The following DENND5B variants were observed in gnomAD, a reference collection of about 807,000 sequenced individuals.
DENND5B encodes DENN domain-containing protein 5B.
DENND5B carries 34 observed loss-of-function variants against 140.6 expected under a neutral mutation model. The ratio of observed to expected loss-of-function variants is 0.24; its 90% CI spans 0.18 to 0.32. The LOEUF is 0.32. Among genes scored for constraint, DENND5B ranks in the 10% least tolerant of loss-of-function variants. DENND5B has a pLI of 1.00. For synonymous variants in DENND5B, 551 were observed against 562.1 expected (o/e 0.98, Z 0.28); for missense variants, 1,142 against 1,560.2 (o/e 0.73, Z 4.52).
chr12:31,508,236 T>C (rs1947276491), intron 1 of DENND5B, among the ~76,000 whole-genome samples: 2 of 152,134 alleles, frequency 1.3e-5, no homozygotes, highest in Admixed American at 1.3e-4. Flanking sequence ...AGAGGTAAAG[T>C]AGACCTTTCC....
At chr12:31,493,043 G>A (rs949787855) in intron 2 of DENND5B, among the ~76,000 whole-genome samples, 3 of 152,176 alleles carry the variant, frequency 2.0e-5, no homozygotes, top group Non-Finnish European at 4.4e-5. Context: ...GCGAGCCCAG[G>A]CTGGAAAGAG....
At chr12:31,580,092 T>C (rs1031348644) in intron 1 of DENND5B, among the ~76,000 whole-genome samples, 1 of 152,156 alleles carries the variant, frequency 6.6e-6, no homozygotes, top group Non-Finnish European at 1.5e-5. Context: ...TTTCCTAAGA[T>C]ATTCCTTTAA....
At position 31,397,549 on chromosome 12, in the gene DENND5B, C is replaced by CAAAAAAAAAAA. The variant is rs1223481557; in HGVS notation, c.3256+615_3256+625dup. ...GGTGACAGAGTGAGATTCCATCTCACAAAAAAAAAAAAAAAAAAAAAAAAG... is the reference window on the plus strand; with the variant it reads ...GGTGACAGAGTGAGATTCCATCTCACAAAAAAAAAAAAAAAAAAAAAAAAAAAAAAAAAAAG... On this transcript the variant is annotated intron_variant, in intron 17 of 20. Coordinates refer to ENST00000389082, the MANE Select transcript of DENND5B (RefSeq NM_144973.4). Among the ~76,000 whole-genome samples, 121 of 49,314 alleles carry CAAAAAAAAAAA rather than the reference C, an allele frequency of 2.5e-3. 39 individuals carry two copies. Among genetic ancestry groups the CAAAAAAAAAAA allele is most frequent in the East Asian group, 4.0e-3 (6 of 1,516 alleles). 32.4% of individuals were successfully genotyped at this position (49,314 alleles called of 152,430 possible).
chr12:31,451,708 G>A, intron 5 of DENND5B: 1 of 510,304 alleles, frequency 2.0e-6, no homozygotes, highest in Admixed American at 3.7e-5. Flanking sequence ...TTAATGACCA[G>A]TTCAATGAGC....
rs146387051 is a variant in DENND5B at position 31,401,767 on chromosome 12, G to A, written c.2949+731C>T. ...CCTTGCAAGTACCCAGACTACAGGT[G>A]CATGCCACCATGCCCAGCTAATTTT... On this transcript the variant is annotated intron_variant, in intron 15 of 20. Coordinates refer to ENST00000389082, the MANE Select transcript of DENND5B (RefSeq NM_144973.4). Among the ~76,000 whole-genome samples the A allele has an allele frequency of 1.2e-3, 176 of 152,116 alleles. 2 individuals carry two copies. The highest frequency in any genetic ancestry group is 4.2e-3 in the African/African-American group (174 of 41,504).
chr12:31,499,750 G>C (rs1197352932), intron 1 of DENND5B: 2 of 1,180,670 alleles, frequency 1.7e-6, no homozygotes, highest in African/African-American at 1.6e-5. Context: ...TTGAAGAATG[G>C]AAAATGAGAA....
intron 17 of DENND5B, among the ~76,000 whole-genome samples, chr12:31,394,615 C>CTTTTT (rs33960412): frequency 7.3e-6 from 1 of 137,604 alleles, no homozygotes; most frequent in Non-Finnish European, 1.6e-5. Context: ...ACCCTGTGCT[C>CTTTTT]TTTTTTTTTT....
At chr12:31,507,158 CACAG>C (rs1283822606) in intron 1 of DENND5B, among the ~76,000 whole-genome samples, 3 of 152,014 alleles carry the variant, frequency 2.0e-5, no homozygotes, top group African/African-American at 4.8e-5. Context: ...GTTCAGGAAA[CACAG>C]ACAAAGACCA....
chr12:31,473,302 T>C (rs1461879641), intron 3 of DENND5B, among the ~76,000 whole-genome samples: 2 of 152,238 alleles, frequency 1.3e-5, no homozygotes, highest in African/African-American at 4.8e-5. Flanking sequence ...TTAAGGTTGA[T>C]AGGATTAAGG....
intron 1 of DENND5B, among the ~76,000 whole-genome samples, chr12:31,509,809 T>C (rs1451830015): frequency 1.3e-5 from 2 of 152,132 alleles, no homozygotes; most frequent in African/African-American, 2.4e-5. Context: ...CAGTATTAAG[T>C]AGGATGATCA....
At position 31,493,101 on chromosome 12, in the gene DENND5B, C is replaced by T. The variant is rs565038095; in HGVS notation, c.237+2709G>A. 2.0e-5 allele frequency among the ~76,000 whole-genome samples: 3 copies of T among 152,292 alleles called. No homozygotes were observed. In the East Asian group the frequency reaches 5.8e-4, roughly 29 times the overall value. Reference sequence around the variant, plus strand: ...ACAAAGGGTCCAGTGTGACCCATAACATTTCCAGTGTAGATCAAAACTCAG... The same window carrying T: ...ACAAAGGGTCCAGTGTGACCCATAATATTTCCAGTGTAGATCAAAACTCAG... On this transcript the variant is annotated intron_variant, in intron 2 of 20. Transcript: ENST00000389082.
At chr12:31,469,857 G>C (rs1945460857) in intron 3 of DENND5B, among the ~76,000 whole-genome samples, 2 of 151,930 alleles carry the variant, frequency 1.3e-5, no homozygotes, top group African/African-American at 2.4e-5. Context: ...TGTGATTCTG[G>C]CTCCCCTTCA....
intron 1 of DENND5B, among the ~76,000 whole-genome samples, chr12:31,567,525 TA>T (rs35048750): frequency 0.011 from 968 of 91,692 alleles, 14 homozygotes; most frequent in African/African-American, 0.039. Flanking sequence ...AGACTCTGTC[TA>T]AAAAAAAAAA....
At chr12:31,460,952 T>C (rs2682681) in intron 3 of DENND5B, among the ~76,000 whole-genome samples, 11,855 of 152,166 alleles carry the variant, frequency 0.078, 1,051 homozygotes, top group African/African-American at 0.22. Context: ...TCTTGAACTC[T>C]TGACCTCAAG....
rs189294210 is a variant in DENND5B, at chr12:31,476,681, G to T, written c.904+2908C>A. On this transcript the variant is annotated intron_variant, in intron 3 of 20. Transcript: ENST00000389082. ...TGCAGTCTCAACTACTCGGGACGCT[G>T]AGATGGGAGGATGGTGTGAGCTGAG... Among the ~76,000 whole-genome samples, 215 of 152,264 alleles carry T rather than the reference G, an allele frequency of 1.4e-3. 3 individuals are homozygous for T. The highest frequency in any genetic ancestry group is 5.0e-3 in the African/African-American group (208 of 41,566).
At chr12:31,589,493 T>TC (rs1322790770) in intron 1 of DENND5B, among the ~76,000 whole-genome samples, 1 of 146,270 alleles carries the variant, frequency 6.8e-6, no homozygotes, top group Non-Finnish European at 1.5e-5. Context: ...TGAAGCTGAG[T>TC]TAAGAAGAAG....
At chr12:31,527,411 G>C (rs1316232285) in intron 1 of DENND5B, among the ~76,000 whole-genome samples, 1 of 152,174 alleles carries the variant, frequency 6.6e-6, no homozygotes, top group Non-Finnish European at 1.5e-5. Context: ...CAGATCATAT[G>C]AGGGATCTGG....
chr12:31,543,825 T>C (rs1243836076), intron 1 of DENND5B, among the ~76,000 whole-genome samples: 1 of 152,236 alleles, frequency 6.6e-6, no homozygotes, highest in Admixed American at 6.5e-5. Context: ...ATCACATCTC[T>C]ATCTACTCTC....
intron 1 of DENND5B, among the ~76,000 whole-genome samples, chr12:31,521,592 T>C (rs553693440): frequency 2.6e-5 from 4 of 152,336 alleles, no homozygotes; most frequent in African/African-American, 7.2e-5. Flanking sequence ...GATGCCTACA[T>C]AAAACAGAAA....
Sources: allele counts gnomAD v4.1 joint callset (sites outside exome capture counted in the v4.1 genomes callset), GRCh38; gene constraint gnomAD v4.1.1; transcripts MANE v1.5; gene names NCBI Gene and HGNC (gene_info 2026-07-23, HGNC 2026-07-21).